Variants in ADGRB3 observed in about 807,000 individuals in gnomAD.
ADGRB3 encodes brain-specific angiogenesis inhibitor 3.
A neutral mutation model predicts 193.4 loss-of-function variants in ADGRB3; 37 were observed. The observed-to-expected ratio is 0.19, with a 90% CI of 0.15 to 0.25. ADGRB3 has a LOEUF of 0.25. Among genes scored for constraint, ADGRB3 ranks in the 10% least tolerant of loss-of-function variants. The pLI is 1.00. For missense variants in ADGRB3, 1,637 were observed against 1,852.9 expected (o/e 0.88, Z 2.14); for synonymous variants, 690 against 644.2 (o/e 1.07, Z -1.08).
intron 20 of ADGRB3, among the ~76,000 whole-genome samples, chr6:69,262,612 C>G (rs1249894247): frequency 6.6e-6 from 1 of 151,932 alleles, no homozygotes; most frequent in Non-Finnish European, 1.5e-5. Flanking sequence ...TACAATAATT[C>G]CCTCTTTTGT....
intron 17 of ADGRB3, among the ~76,000 whole-genome samples, chr6:69,181,409 C>G (rs1303612486): frequency 6.6e-6 from 1 of 151,938 alleles, no homozygotes; most frequent in Non-Finnish European, 1.5e-5. Context: ...GAATTCATAA[C>G]TCATTTTTTT....
intron 3 of ADGRB3, among the ~76,000 whole-genome samples, chr6:68,826,019 CT>C (rs1767837401): frequency 6.7e-6 from 1 of 149,064 alleles, no homozygotes; most frequent in Non-Finnish European, 1.5e-5. Flanking sequence ...GAAAATATTT[CT>C]TTTGAATAAA....
chr6:68,897,483 G>GAAGAGGA (rs1396781536), intron 3 of ADGRB3, among the ~76,000 whole-genome samples: 7 of 31,050 alleles, frequency 2.3e-4, no homozygotes, highest in Non-Finnish European at 3.9e-4. Flanking sequence ...GGGAGGGATG[G>GAAGAGGA]AGGAAGGGAG....
chr6:69,186,178 C>CAAAAAA (rs70987457), intron 17 of ADGRB3, among the ~76,000 whole-genome samples: 48 of 107,440 alleles, frequency 4.5e-4, no homozygotes, highest in African/African-American at 1.5e-3. Flanking sequence ...AATGAAATAG[C>CAAAAAA]AAAAAAAAAA....
rs531000622 is a variant in ADGRB3, at chr6:69,335,213, G to T, written c.3188+2205G>T. Among the ~76,000 whole-genome samples, 38 of 152,184 alleles carry T rather than the reference G, an allele frequency of 2.5e-4. No individual in the cohort carries two copies. The South Asian group carries it at 3.5e-3, about 14-fold the overall frequency. ...TTAATTATTTTATGTGTAAAGCCCAGTTTAATTCATATAGCTCTTTATAAG... is the reference window on the plus strand; with the variant it reads ...TTAATTATTTTATGTGTAAAGCCCATTTTAATTCATATAGCTCTTTATAAG... On this transcript the variant is annotated intron_variant, in intron 24 of 31. Coordinates refer to ENST00000370598, the MANE Select transcript of ADGRB3 (RefSeq NM_001704.3).
intron 28 of ADGRB3, among the ~76,000 whole-genome samples, chr6:69,357,755 A>G (rs1334762560): frequency 6.6e-6 from 1 of 151,970 alleles, no homozygotes; most frequent in African/African-American, 2.4e-5. Flanking sequence ...TGATTTGGCA[A>G]CCTGTAGTGG....
At chr6:68,652,574 T>G (rs1242423480) in intron 3 of ADGRB3, among the ~76,000 whole-genome samples, 2 of 152,136 alleles carry the variant, frequency 1.3e-5, no homozygotes, top group African/African-American at 2.4e-5. Flanking sequence ...AATCATGTGT[T>G]TTTCTCACAT....
intron 3 of ADGRB3, among the ~76,000 whole-genome samples, chr6:68,841,999 T>C (rs1222292817): frequency 1.3e-5 from 2 of 152,012 alleles, no homozygotes; most frequent in Non-Finnish European, 2.9e-5. Flanking sequence ...TTGTATATTT[T>C]AGAGTAACTG....
chr6:68,914,209 C>A (rs550884264), intron 3 of ADGRB3, among the ~76,000 whole-genome samples: 87 of 150,788 alleles, frequency 5.8e-4, no homozygotes, highest in African/African-American at 1.8e-3. Flanking sequence ...AAAGATACTC[C>A]TCGAGAAGAG....
intron 16 of ADGRB3, among the ~76,000 whole-genome samples, chr6:69,069,601 G>C (rs1448851739): frequency 8.3e-6 from 1 of 120,536 alleles, no homozygotes; most frequent in Non-Finnish European, 1.7e-5. Context: ...CGCAGTGGCA[G>C]ATTACTGTAA....
rs557573612 is a variant in ADGRB3 at position 68,731,385 on chromosome 6, G to A, written c.757+91953G>A. On this transcript the variant is annotated intron_variant, in intron 3 of 31. Transcript: ENST00000370598. ...TGTAAGTTAATAAAGTAACAGAAAC[G>A]AATACATAACAAGCTGAATTTCCAA... 1.5e-4 allele frequency among the ~76,000 whole-genome samples: 22 copies of A among 151,136 alleles called. No homozygotes were observed. In the South Asian group the frequency reaches 4.2e-3, roughly 29 times the overall value.
At chr6:68,834,742 G>A (rs1262796198) in intron 3 of ADGRB3, among the ~76,000 whole-genome samples, 2 of 152,084 alleles carry the variant, frequency 1.3e-5, no homozygotes, top group East Asian at 3.9e-4. Flanking sequence ...ATATATTATG[G>A]ATGGCCACTG....
chr6:68,925,617 T>C (rs1767158201), intron 3 of ADGRB3, among the ~76,000 whole-genome samples: 1 of 152,054 alleles, frequency 6.6e-6, no homozygotes, highest in Non-Finnish European at 1.5e-5. Flanking sequence ...TATTTCTCTT[T>C]GGCGACATAT....
intron 20 of ADGRB3, among the ~76,000 whole-genome samples, chr6:69,307,337 T>C (rs948730878): frequency 6.6e-6 from 1 of 151,612 alleles, no homozygotes; most frequent in African/African-American, 2.4e-5. Context: ...TGCCACATGC[T>C]GTATTTTAAG....
Position 68,993,896 on chromosome 6 carries a change from G to A in ADGRB3, c.1863G>A (p.Glu621=), listed in dbSNP as rs967974025. 6.2e-7 allele frequency: 1 copy of A among 1,613,962 alleles called. No homozygotes were observed. Among genetic ancestry groups the A allele is most frequent in the Non-Finnish European group, 8.5e-7 (1 of 1,179,892 alleles). ...CAGGCGATCTTCTGATGTCTGTGGAGATCCTGAGAAATGTGACAGACACAT... is the reference window on the plus strand; with the variant it reads ...CAGGCGATCTTCTGATGTCTGTGGAAATCCTGAGAAATGTGACAGACACAT... ...FYAGDLLMSV[E]ILRNVTDTFK... Residue 621 remains glutamate (E), a synonymous_variant, in exon 11 of 32, where the codon GAG becomes GAA. Transcript: ENST00000370598.
chr6:69,063,887 T>C (rs1030449058), intron 16 of ADGRB3, among the ~76,000 whole-genome samples: 10 of 152,046 alleles, frequency 6.6e-5, no homozygotes, highest in Admixed American at 2.0e-4. Context: ...TATTGTACTT[T>C]CATAGTTCCT....
chr6:69,343,273 C>T (rs1409137076), intron 26 of ADGRB3, among the ~76,000 whole-genome samples: 3 of 149,390 alleles, frequency 2.0e-5, no homozygotes, highest in Non-Finnish European at 3.0e-5. Context: ...CATGCTGGTG[C>T]GCTGCACCCA....
chr6:69,382,274 A>G (rs1769965490), intron 30 of ADGRB3, among the ~76,000 whole-genome samples: 1 of 151,916 alleles, frequency 6.6e-6, no homozygotes, highest in Non-Finnish European at 1.5e-5. Context: ...TAAGAAGCTC[A>G]ATCATTATGC....
At chr6:68,715,227 G>A (rs1011445348) in intron 3 of ADGRB3, among the ~76,000 whole-genome samples, 13 of 151,464 alleles carry the variant, frequency 8.6e-5, no homozygotes, top group Admixed American at 6.6e-4. Flanking sequence ...GGATCGCTGA[G>A]GAGTATAATA....
Sources: gnomAD v4.1 joint callset for allele counts (sites outside exome capture counted in the v4.1 genomes callset) on GRCh38, gnomAD v4.1.1 for gene constraint, MANE v1.5 for transcripts, NCBI Gene and HGNC (gene_info 2026-07-23, HGNC 2026-07-21) for gene names.